CACNA2D1: variants seen among roughly 807,000 people sequenced by gnomAD.
CACNA2D1 encodes calcium voltage-gated channel auxiliary subunit alpha2delta 1, also known as voltage-dependent calcium channel subunit alpha-2/delta-1.
CACNA2D1 carries 53 observed loss-of-function variants against 171.5 expected under a neutral mutation model. The ratio of observed to expected loss-of-function variants is 0.31; its 90% CI spans 0.25 to 0.39. The LOEUF is 0.39. CACNA2D1 is among the 10% of genes least tolerant of loss of function. The probability of loss-of-function intolerance (pLI) is 1.00; values close to 1 mark genes in which losing one functional copy is unlikely to be tolerated. For missense variants in CACNA2D1, 903 were observed against 1,299.8 expected (o/e 0.69, Z 4.69); for synonymous variants, 442 against 443.1 (o/e 1.00, Z 0.03).
intron 3 of CACNA2D1, among the ~76,000 whole-genome samples, chr7:82,279,835 T>A (rs1263324477): frequency 4.6e-5 from 7 of 152,202 alleles, no homozygotes; most frequent in Non-Finnish European, 8.8e-5. Context: ...GTTATTTTTT[T>A]AACCTAAAAT....
chr7:82,292,837 T>C (rs977281549), intron 3 of CACNA2D1, among the ~76,000 whole-genome samples: 12 of 152,128 alleles, frequency 7.9e-5, no homozygotes, highest in African/African-American at 2.9e-4. Flanking sequence ...ACAAATTTTA[T>C]ATGAATATAT....
intron 1 of CACNA2D1, among the ~76,000 whole-genome samples, chr7:82,364,839 T>C (rs374719579): frequency 2.0e-5 from 3 of 152,184 alleles, no homozygotes; most frequent in Admixed American, 6.5e-5. Flanking sequence ...GGAAAGTTTA[T>C]GGAATGAATG....
At chr7:81,981,226 A>G (rs1338652686) in intron 24 of CACNA2D1, among the ~76,000 whole-genome samples, 2 of 152,152 alleles carry the variant, frequency 1.3e-5, no homozygotes, top group African/African-American at 2.4e-5. Context: ...GCCTTCTTAT[A>G]TGAGTGATCA....
intron 3 of CACNA2D1, among the ~76,000 whole-genome samples, chr7:82,187,177 C>T (rs757284664): frequency 9.2e-5 from 14 of 152,074 alleles, no homozygotes; most frequent in Admixed American, 2.6e-4. Context: ...AACAAACAAA[C>T]GCTATTTTCA....
At chr7:82,292,066 G>C (rs557841117) in intron 3 of CACNA2D1, among the ~76,000 whole-genome samples, 2 of 151,704 alleles carry the variant, frequency 1.3e-5, no homozygotes, top group East Asian at 3.9e-4. Context: ...GCAACTTTTA[G>C]GTAGTTCTAT....
At chr7:81,999,597 T>C (rs1216231375) in intron 18 of CACNA2D1, among the ~76,000 whole-genome samples, 1 of 152,080 alleles carries the variant, frequency 6.6e-6, no homozygotes. Context: ...CCATTTAGAG[T>C]TTTCTTAGAA....
At chr7:82,273,310 A>G (rs953436035) in intron 3 of CACNA2D1, among the ~76,000 whole-genome samples, 2 of 151,922 alleles carry the variant, frequency 1.3e-5, no homozygotes, top group African/African-American at 4.8e-5. Context: ...AAATTTGTAC[A>G]TCTATTTCTA....
At chr7:81,969,773 A>T in intron 28 of CACNA2D1, 108 bp downstream of exon 28, 3 of 711,052 alleles carry the variant, frequency 4.2e-6, no homozygotes. Flanking sequence ...AATGATGACT[A>T]TTCTGAGTAG....
chr7:82,133,583 TAAG>T (rs1293656909), intron 5 of CACNA2D1, among the ~76,000 whole-genome samples: 4 of 152,176 alleles, frequency 2.6e-5, no homozygotes, highest in Non-Finnish European at 5.9e-5. Context: ...ATCCTAAAAA[TAAG>T]TTTAAAACTT....
Position 82,292,508 on chromosome 7 carries a change from G to A in CACNA2D1, c.294+42627C>T, listed in dbSNP as rs114607173. ...GGAAAACAATTTTTTGAAAATTTAC[G>A]TGCTTTACCTTACACTTGATTGATA... On this transcript the variant is annotated intron_variant, in intron 3 of 38. Transcript: ENST00000356860. 4.6e-3 allele frequency among the ~76,000 whole-genome samples: 706 copies of A among 152,154 alleles called. 3 individuals are homozygous for A. Among genetic ancestry groups the A allele is most frequent in the African/African-American group, 0.016 (662 of 41,518 alleles).
At chr7:81,988,209 A>G (rs188860871) in intron 21 of CACNA2D1, among the ~76,000 whole-genome samples, 28 of 152,292 alleles carry the variant, frequency 1.8e-4, no homozygotes, top group African/African-American at 5.5e-4. Flanking sequence ...TCATAAAATC[A>G]TCTCTCAAGA....
intron 6 of CACNA2D1, among the ~76,000 whole-genome samples, chr7:82,109,977 C>G (rs992981762): frequency 6.6e-6 from 1 of 152,070 alleles, no homozygotes; most frequent in African/African-American, 2.4e-5. Flanking sequence ...GTTTTTTACC[C>G]CAGGATTGTA....
intron 3 of CACNA2D1, among the ~76,000 whole-genome samples, chr7:82,289,094 C>G (rs1480185517): frequency 1.3e-5 from 2 of 152,124 alleles, no homozygotes; most frequent in East Asian, 3.9e-4. Context: ...AAGTAGTTAT[C>G]TATTTGTCCT....
chr7:82,411,644 A>G (rs540687175), intron 1 of CACNA2D1, among the ~76,000 whole-genome samples: 8 of 152,276 alleles, frequency 5.3e-5, no homozygotes, highest in East Asian at 1.9e-4. Flanking sequence ...CCATACAGGT[A>G]TGCGGACACC....
rs774652294 is a variant in CACNA2D1, at chr7:82,249,406, T to C, written c.295-78797A>G. Among the ~76,000 whole-genome samples, 120 of 152,122 alleles carry C rather than the reference T, an allele frequency of 7.9e-4. 1 individual carries two copies. The highest frequency in any genetic ancestry group is 7.6e-4 in the Non-Finnish European group (52 of 68,014). On this transcript the variant is annotated intron_variant, in intron 3 of 38. Transcript: ENST00000356860. Reference sequence around the variant, plus strand: ...TCCGGGAATGGAATTCTTTGCAGGATCATTTGGCTTGGTTAAAAAGCAAAT... The same window carrying C: ...TCCGGGAATGGAATTCTTTGCAGGACCATTTGGCTTGGTTAAAAAGCAAAT...
intron 10 of CACNA2D1, among the ~76,000 whole-genome samples, chr7:82,055,262 T>C: frequency 6.6e-6 from 1 of 152,116 alleles, no homozygotes; most frequent in East Asian, 1.9e-4. Context: ...AAAAGTAACC[T>C]GTGACCCTTA....
At chr7:82,185,502 G>T (rs1585036884) in intron 3 of CACNA2D1, among the ~76,000 whole-genome samples, 1 of 9,602 alleles carries the variant, frequency 1.0e-4, no homozygotes, top group Non-Finnish European at 2.8e-4. Flanking sequence ...GGGGAGGGGA[G>T]GGGGAGGGGG....
rs144803068 is a variant in CACNA2D1, at chr7:82,336,814, G to T, written c.178-1563C>A. Among the ~76,000 whole-genome samples, 7 of 152,280 alleles carry T rather than the reference G, an allele frequency of 4.6e-5. No homozygotes were observed. In the East Asian group the frequency reaches 1.2e-3, roughly 25 times the overall value. On this transcript the variant is annotated intron_variant, in intron 2 of 38. Coordinates refer to ENST00000356860, the MANE Select transcript of CACNA2D1 (RefSeq NM_000722.4). ...GATCCAGGATATGTAGTTCTTTGCA[G>T]TAAAACCAATAGAGCTAATTGGTGT...
intron 3 of CACNA2D1, among the ~76,000 whole-genome samples, chr7:82,193,907 T>C (rs899098440): frequency 2.0e-5 from 3 of 152,044 alleles, no homozygotes; most frequent in Non-Finnish European, 2.9e-5. Context: ...TTATCTATTA[T>C]GCATATTTTA....
Sources: allele counts gnomAD v4.1 joint callset (sites outside exome capture counted in the v4.1 genomes callset), GRCh38; gene constraint gnomAD v4.1.1; transcripts MANE v1.5; gene names NCBI Gene and HGNC (gene_info 2026-07-23, HGNC 2026-07-21).